ZMYND8: variants seen among roughly 807,000 people sequenced by gnomAD.
The protein encoded by ZMYND8 is zinc finger MYND-type containing 8, also known as MYND-type zinc finger-containing chromatin reader ZMYND8.
In ZMYND8, 37 loss-of-function variants were observed where a neutral mutation model predicts 140.8. The observed-to-expected ratio is 0.26, with a 90% CI of 0.20 to 0.35. ZMYND8 has a LOEUF of 0.35. ZMYND8 is among the 10% of genes least tolerant of loss of function. ZMYND8 has a pLI of 1.00. For missense variants in ZMYND8, 1,068 were observed against 1,570.0 expected (o/e 0.68, Z 5.40); for synonymous variants, 592 against 597.1 (o/e 0.99, Z 0.12).
rs6018380 is a variant in ZMYND8, at chr20:47,268,589, G to A, written c.1481-6161C>T. 5.3e-3 allele frequency among the ~76,000 whole-genome samples: 801 copies of A among 150,658 alleles called. 8 individuals carry two copies. Among genetic ancestry groups the A allele is most frequent in the African/African-American group, 0.018 (723 of 41,108 alleles). ...ATTACAGGTGTGAGCCACTGTGCCC[G>A]GCCCTGGTGAAACCCCGTCTCTACT... is the stretch of plus-strand genomic sequence containing the variant. On this transcript the variant is annotated intron_variant, in intron 11 of 22. Coordinates refer to ENST00000471951, the MANE Select transcript of ZMYND8 (RefSeq NM_001281775.3).
At chr20:47,326,416 G>A (rs1368923200) in intron 2 of ZMYND8, among the ~76,000 whole-genome samples, 2 of 152,130 alleles carry the variant, frequency 1.3e-5, no homozygotes, top group Non-Finnish European at 2.9e-5. Flanking sequence ...AGTTATTCTT[G>A]AGGAGAGCTA....
intron 21 of ZMYND8, among the ~76,000 whole-genome samples, chr20:47,219,661 T>C (rs2036654898): frequency 6.6e-6 from 1 of 152,058 alleles, no homozygotes. Flanking sequence ...AAAACTGCTT[T>C]AAGAAAGTGC....
intron 2 of ZMYND8, among the ~76,000 whole-genome samples, chr20:47,328,991 TGCCAAGGGGCCTG>T (rs2148429535): frequency 6.6e-6 from 1 of 152,262 alleles, no homozygotes; most frequent in South Asian, 2.1e-4. Flanking sequence ...CAGGCCTAGG[TGCCAAGGGGCCTG>T]GCAAAAAGGG....
chr20:47,312,367 A>AAG (rs2079004210), intron 2 of ZMYND8, among the ~76,000 whole-genome samples: 1 of 152,186 alleles, frequency 6.6e-6, no homozygotes, highest in South Asian at 2.1e-4. Context: ...CTCACCATGC[A>AAG]AGCTTCTGGA....
intron 16 of ZMYND8, among the ~76,000 whole-genome samples, chr20:47,230,925 T>C (rs1436834541): frequency 6.6e-6 from 1 of 152,182 alleles, no homozygotes; most frequent in African/African-American, 2.4e-5. Context: ...GGACATGTCA[T>C]ATAAATGGAA....
chr20:47,276,182 A>T, intron 11 of ZMYND8, 132 bp downstream of exon 11: 5 of 1,269,390 alleles, frequency 3.9e-6, no homozygotes, highest in Non-Finnish European at 5.1e-6. Flanking sequence ...ACTTCTTGAA[A>T]ATCTGCTCTG....
chr20:47,236,352 C>A lies in ZMYND8; in HGVS notation c.2830G>T (p.Ala944Ser), dbSNP rs371544404. ...TTGCTAGTGTACTTGGCAATATCAG[C>A]GGCGACATCAGCTGAGGCAGTGGCG... is the stretch of plus-strand genomic sequence containing the variant. ...PIATASADVA[A>S]DIAKYTSKMM... Residue 944 changes from alanine to serine, a missense_variant, in exon 16 of 23, where the codon GCT becomes TCT. Physicochemically the swap from Ala to Ser is moderately conservative, Grantham distance 99. Around this residue, in one of 10 missense-constraint regions of ZMYND8, gnomAD observed 87 missense variants for 151.1 expected, o/e 0.58. Coordinates refer to ENST00000471951, the MANE Select transcript of ZMYND8 (RefSeq NM_001281775.3). 1 of 1,614,196 alleles carries A rather than the reference C, an allele frequency of 6.2e-7. No homozygotes were observed. Among genetic ancestry groups the A allele is most frequent in the South Asian group, 1.1e-5 (1 of 91,084 alleles).
intron 11 of ZMYND8, 58 bp downstream of exon 11, chr20:47,276,256 C>T: frequency 6.7e-7 from 1 of 1,488,284 alleles, no homozygotes; most frequent in Non-Finnish European, 8.9e-7. Context: ...AAGTGTGCAC[C>T]CATGGGAAAC....
intron 5 of ZMYND8, 28 bp from the exon 6 acceptor site, chr20:47,291,916 C>T (rs751219404): frequency 2.1e-5 from 34 of 1,585,460 alleles, no homozygotes; most frequent in Admixed American, 5.2e-5. Context: ...TGCAGAGGAA[C>T]GAACCCATCA....
At chr20:47,282,073 C>T in intron 10 of ZMYND8, 29 bp downstream of exon 10, 1 of 1,580,250 alleles carries the variant, frequency 6.3e-7, no homozygotes, top group Non-Finnish European at 8.6e-7. Context: ...GTGAAAGCTA[C>T]ATGTTCCAAG....
At chr20:47,353,952 T>C (rs2083004289) in intron 1 of ZMYND8, 1 of 152,158 alleles carries the variant, frequency 6.6e-6, no homozygotes, top group South Asian at 2.1e-4. Flanking sequence ...CAATTGTCAA[T>C]CTTTAACCTT....
chr20:47,265,068 A>ATATATATATG lies in ZMYND8; in HGVS notation c.1481-2641_1481-2640insCATATATATA, dbSNP rs1555948705. Among the ~76,000 whole-genome samples, 52 of 144,590 alleles carry ATATATATATG rather than the reference A, an allele frequency of 3.6e-4. 2 individuals carry two copies. The East Asian group carries it at 7.4e-3, about 21-fold the overall frequency. 94.9% of individuals were successfully genotyped at this position (144,590 alleles called of 152,430 possible). A position where few individuals can be genotyped will look rare whatever the true frequency, so the allele number is the denominator to read the frequency against. The stretch of plus-strand genomic sequence containing the variant: ...AATATATATACATATATATATATAT[A>ATATATATATG]GGCATTTTAACGGAAGTATTACCAA... On this transcript the variant is annotated intron_variant, in intron 11 of 22. Transcript: ENST00000471951.
chr20:47,241,053 T>C (rs2039903313), intron 14 of ZMYND8, among the ~76,000 whole-genome samples: 1 of 151,682 alleles, frequency 6.6e-6, no homozygotes, highest in East Asian at 2.0e-4. Flanking sequence ...CCCAGCACTT[T>C]GGGAGGCCGA....
chr20:47,235,885 A>C (rs760067088), intron 16 of ZMYND8, among the ~76,000 whole-genome samples: 8 of 152,158 alleles, frequency 5.3e-5, no homozygotes, highest in Non-Finnish European at 1.2e-4. Flanking sequence ...CTCCCCATCC[A>C]TCTTGATTCC....
At chr20:47,303,814 T>C (rs1009943284) in intron 3 of ZMYND8, among the ~76,000 whole-genome samples, 4 of 152,218 alleles carry the variant, frequency 2.6e-5, no homozygotes, top group Non-Finnish European at 5.9e-5. Context: ...AAGTTTCTCC[T>C]GGTGCTCCCC....
intron 1 of ZMYND8, chr20:47,352,361 A>G: frequency 2.6e-6 from 2 of 782,242 alleles, no homozygotes; most frequent in Non-Finnish European, 3.1e-6. Flanking sequence ...AACAGCCACC[A>G]AATACCCAGC....
intron 2 of ZMYND8, 92 bp downstream of exon 2, chr20:47,347,764 G>T: frequency 7.9e-7 from 1 of 1,271,550 alleles, no homozygotes; most frequent in Non-Finnish European, 1.1e-6. Flanking sequence ...CGTCGGCTCA[G>T]AGAGCCACAC....
intron 7 of ZMYND8, among the ~76,000 whole-genome samples, chr20:47,288,975 G>A (rs768256868): frequency 9.9e-5 from 15 of 152,006 alleles, no homozygotes; most frequent in Non-Finnish European, 1.5e-4. Flanking sequence ...GGTGGCACAC[G>A]CCTGTAATCC....
At chr20:47,230,377 C>T (rs1239115588) in intron 16 of ZMYND8, among the ~76,000 whole-genome samples, 1 of 151,838 alleles carries the variant, frequency 6.6e-6, no homozygotes, top group East Asian at 1.9e-4. Context: ...CTGCTACCTC[C>T]GCCTCCAGGT....
Sources: gnomAD v4.1 joint callset for allele counts (sites outside exome capture counted in the v4.1 genomes callset) on GRCh38, gnomAD v4.1.1 for gene constraint, gnomAD v4.1.1 regional missense constraint, MANE v1.5 for transcripts, NCBI Gene and HGNC (gene_info 2026-07-23, HGNC 2026-07-21) for gene names.